CAPZA1: variants seen among roughly 807,000 people sequenced by gnomAD.
CAPZA1 encodes the protein capping actin protein of muscle Z-line subunit alpha 1.
A neutral mutation model predicts 40.8 loss-of-function variants in CAPZA1; 10 were observed. That is an observed-to-expected ratio of 0.25 (90% CI 0.15 to 0.42). CAPZA1 has a LOEUF of 0.42. Ranked by LOEUF, CAPZA1 falls within the 10% of genes least tolerant of loss-of-function variation. The pLI is 1.00. For synonymous variants in CAPZA1, 98 were observed against 115.0 expected (o/e 0.85, Z 0.95); for missense variants, 277 against 353.8 (o/e 0.78, Z 1.74).
intron 9 of CAPZA1, 36 bp downstream of exon 9, chr1:112,669,641 T>C (rs1352448028): frequency 5.0e-6 from 7 of 1,387,008 alleles, no homozygotes; most frequent in Non-Finnish European, 7.2e-6. Context: ...CTAGATCTAC[T>C]ATCTTATTAT....
intron 7 of CAPZA1, among the ~76,000 whole-genome samples, chr1:112,661,917 A>G (rs1671620141): frequency 6.6e-6 from 1 of 152,358 alleles, no homozygotes; most frequent in East Asian, 1.9e-4. Flanking sequence ...TGGAGTGAGA[A>G]TTATTTGGAA....
At chr1:112,658,898 T>C (rs1671546983) in intron 5 of CAPZA1, 124 bp from the exon 6 acceptor site, 1 of 721,016 alleles carries the variant, frequency 1.4e-6, no homozygotes, top group Non-Finnish European at 2.5e-6. Context: ...ACTATTGTGT[T>C]CTAAGCTCAT....
intron 1 of CAPZA1, among the ~76,000 whole-genome samples, chr1:112,636,616 T>C (rs1671024906): frequency 1.3e-5 from 2 of 152,236 alleles, no homozygotes; most frequent in African/African-American, 4.8e-5. Flanking sequence ...GACAGTTTTT[T>C]AAAGGCTTTT....
chr1:112,661,196 A>T (rs1384049853), intron 7 of CAPZA1, among the ~76,000 whole-genome samples: 2 of 152,166 alleles, frequency 1.3e-5, no homozygotes, highest in African/African-American at 4.8e-5. Context: ...CTTTTTATAT[A>T]TACCTATAGC....
At chr1:112,659,143 C>G (rs1214708022) in intron 6 of CAPZA1, 42 bp downstream of exon 6, 2 of 1,347,692 alleles carry the variant, frequency 1.5e-6, no homozygotes, top group Admixed American at 3.4e-5. Flanking sequence ...CTGAAAGAAA[C>G]CAGCAGTTGA....
chr1:112,659,587 T>TC (rs1671562753), intron 6 of CAPZA1, 114 bp from the exon 7 acceptor site: 5 of 561,504 alleles, frequency 8.9e-6, no homozygotes, highest in Middle Eastern at 5.2e-4. Flanking sequence ...TCTCTCTCTC[T>TC]TTTTTTTTTT....
At chr1:112,665,259 C>T (rs1368902737) in intron 7 of CAPZA1, among the ~76,000 whole-genome samples, 3 of 150,808 alleles carry the variant, frequency 2.0e-5, no homozygotes, top group Admixed American at 6.6e-5. Context: ...TCACTGCAAC[C>T]TCCGCCTCCT....
chr1:112,662,206 C>T (rs918282391), intron 7 of CAPZA1, among the ~76,000 whole-genome samples: 14 of 152,032 alleles, frequency 9.2e-5, no homozygotes, highest in Non-Finnish European at 1.9e-4. Flanking sequence ...AACTCCTCAA[C>T]TAAATGATCC....
Position 112,670,235 on chromosome 1 carries a change from C to T in CAPZA1, c.*103C>T. The T allele has an allele frequency of 7.3e-7, 1 of 1,377,990 alleles. No homozygotes were observed. The highest frequency in any genetic ancestry group is 2.0e-5 in the Admixed American group (1 of 50,878). 85.4% of individuals were successfully genotyped at this position (1,377,990 alleles called of 1,614,324 possible). ...AAACAAGAGTGATATTTTGCTAGGGCTTTCAAAGTTAACCGGTTTTCTAGC... is the reference window on the plus strand; with the variant it reads ...AAACAAGAGTGATATTTTGCTAGGGTTTTCAAAGTTAACCGGTTTTCTAGC... On this transcript the variant is annotated 3_prime_UTR_variant, in exon 10 of 10. Transcript: ENST00000263168.
rs372270025 is a variant in CAPZA1 at position 112,661,131 on chromosome 1, A to C, written c.585+1352A>C. Among the ~76,000 whole-genome samples the C allele has an allele frequency of 1.5e-4, 23 of 152,220 alleles. 1 individual carries two copies. In the East Asian group the frequency reaches 2.3e-3, roughly 15 times the overall value. On this transcript the variant is annotated intron_variant, in intron 7 of 9. Transcript: ENST00000263168. ...GCCCAGCCAAGAGTTGTCTTTTTTA[A>C]TGCTCTAATTTAATCAAGTGCATAG...
At chr1:112,658,973 A>G in intron 5 of CAPZA1, 49 bp from the exon 6 acceptor site, 1 of 1,334,600 alleles carries the variant, frequency 7.5e-7, no homozygotes, top group Non-Finnish European at 1.1e-6. Flanking sequence ...CATGTTGTTT[A>G]AATTAAAAGT....
chr1:112,642,485 G>C (rs1671190617), intron 1 of CAPZA1, among the ~76,000 whole-genome samples: 2 of 152,112 alleles, frequency 1.3e-5, no homozygotes, highest in Admixed American at 6.5e-5. Context: ...AAAGTGCTGG[G>C]ATTATAGGCG....
intron 3 of CAPZA1, among the ~76,000 whole-genome samples, chr1:112,651,507 C>G (rs1292210210): frequency 2.0e-5 from 3 of 152,088 alleles, no homozygotes; most frequent in African/African-American, 4.8e-5. Context: ...ACAAGATTTA[C>G]TGATGGACTG....
At chr1:112,659,410 G>T (rs1671558421) in intron 6 of CAPZA1, 1 of 523,214 alleles carries the variant, frequency 1.9e-6, no homozygotes, top group African/African-American at 1.9e-5. Flanking sequence ...TCTGATTTTG[G>T]AAGAGCCTCC....
chr1:112,648,358 T>C (rs1481991524), intron 2 of CAPZA1, among the ~76,000 whole-genome samples: 2 of 148,406 alleles, frequency 1.3e-5, no homozygotes, highest in African/African-American at 4.9e-5. Flanking sequence ...TTTTTTTTTT[T>C]TTTTTTTTTT....
At chr1:112,628,677 T>A (rs938037322) in intron 1 of CAPZA1, among the ~76,000 whole-genome samples, 10 of 152,320 alleles carry the variant, frequency 6.6e-5, no homozygotes, top group African/African-American at 2.4e-4. Flanking sequence ...GTTATCACAT[T>A]ACTAGCAGGG....
intron 5 of CAPZA1, among the ~76,000 whole-genome samples, chr1:112,657,146 C>T (rs906124714): frequency 3.9e-5 from 6 of 152,010 alleles, no homozygotes; most frequent in African/African-American, 1.2e-4. Flanking sequence ...GTAATCCGTT[C>T]GCCTCAGCTT....
intron 1 of CAPZA1, among the ~76,000 whole-genome samples, chr1:112,643,240 A>G (rs534648992): frequency 1.2e-4 from 18 of 152,206 alleles, no homozygotes; most frequent in Non-Finnish European, 2.4e-4. Context: ...GGTTAGTCCT[A>G]TGTAGCATAA....
intron 7 of CAPZA1, among the ~76,000 whole-genome samples, chr1:112,660,786 C>G (rs570235935): frequency 6.6e-6 from 1 of 150,814 alleles, no homozygotes; most frequent in East Asian, 1.9e-4. Context: ...CCTAATCGTA[C>G]CTGTATTATA....
Sources: allele counts gnomAD v4.1 joint callset (sites outside exome capture counted in the v4.1 genomes callset), GRCh38; gene constraint gnomAD v4.1.1; transcripts MANE v1.5; gene names NCBI Gene and HGNC (gene_info 2026-07-23, HGNC 2026-07-21).